Variants in CAMTA1 observed in about 807,000 individuals in gnomAD.
CAMTA1 encodes the protein calmodulin binding transcription activator 1.
CAMTA1 carries 27 observed loss-of-function variants against 170.9 expected under a neutral mutation model. The ratio of observed to expected loss-of-function variants is 0.16; its 90% CI spans 0.12 to 0.22. The LOEUF (loss-of-function observed/expected upper bound fraction) is 0.22. CAMTA1 is among the 10% of genes least tolerant of loss of function. CAMTA1 has a pLI of 1.00. For synonymous variants in CAMTA1, 833 were observed against 891.5 expected (o/e 0.93, Z 1.17); for missense variants, 1,619 against 2,217.2 (o/e 0.73, Z 5.42).
intron 3 of CAMTA1, among the ~76,000 whole-genome samples, chr1:6,907,826 C>G (rs932314422): frequency 2.0e-5 from 3 of 152,172 alleles, no homozygotes; most frequent in African/African-American, 7.2e-5. Context: ...GCTCCTGCCC[C>G]ACCTGGGAGC....
At chr1:6,828,204 G>C (rs141117403) in intron 3 of CAMTA1, among the ~76,000 whole-genome samples, 44 of 151,368 alleles carry the variant, frequency 2.9e-4, no homozygotes, top group East Asian at 1.2e-3. Context: ...CCTTTACTCA[G>C]ACCTGTGTTT....
Position 7,589,103 on chromosome 1 carries a change from A to G in CAMTA1, c.511-51297A>G, listed in dbSNP as rs12070444. Among the ~76,000 whole-genome samples, 796 of 152,334 alleles carry G rather than the reference A, an allele frequency of 5.2e-3. 8 individuals are homozygous for G. Among genetic ancestry groups the G allele is most frequent in the African/African-American group, 0.018 (734 of 41,580 alleles). On this transcript the variant is annotated intron_variant, in intron 6 of 22. Transcript: ENST00000303635. ...TAGCTGGGAAGGGAATTGTAGTGCCATCACATTTCCCCCTTCTGGAGAAAG... is the reference window on the plus strand; with the variant it reads ...TAGCTGGGAAGGGAATTGTAGTGCCGTCACATTTCCCCCTTCTGGAGAAAG...
chr1:6,906,495 C>G (rs1678516963), intron 3 of CAMTA1, among the ~76,000 whole-genome samples: 1 of 152,148 alleles, frequency 6.6e-6, no homozygotes, highest in African/African-American at 2.4e-5. Context: ...CACAGAAAAT[C>G]AGGGTGGTGG....
rs555633902 is a variant in CAMTA1 at position 7,143,383 on chromosome 1, G to T, written c.302+52012G>T. Among the ~76,000 whole-genome samples the T allele has an allele frequency of 1.2e-4, 19 of 152,300 alleles. 1 individual carries two copies. The highest frequency in any genetic ancestry group is 9.2e-4 in the Admixed American group (14 of 15,294). On this transcript the variant is annotated intron_variant, in intron 4 of 22. Coordinates refer to ENST00000303635, the MANE Select transcript of CAMTA1 (RefSeq NM_015215.4). ...CAAAAACCTTCCTTGAGACACTTTG[G>T]AATGTTCCAGAGTCAATGTTGTTTG...
At chr1:6,873,208 A>G (rs752650201) in intron 3 of CAMTA1, among the ~76,000 whole-genome samples, 16 of 152,032 alleles carry the variant, frequency 1.1e-4, no homozygotes, top group Non-Finnish European at 1.5e-4. Context: ...ATAATGTCCC[A>G]GTAGTCAGGA....
chr1:7,094,920 G>A (rs144248997), intron 4 of CAMTA1, among the ~76,000 whole-genome samples: 1 of 152,098 alleles, frequency 6.6e-6, no homozygotes, highest in Admixed American at 6.5e-5. Context: ...CACCCTGCCA[G>A]GTGAATTGAG....
intron 4 of CAMTA1, among the ~76,000 whole-genome samples, chr1:7,148,945 G>GGAGCACA (rs1487074730): frequency 6.6e-5 from 10 of 152,248 alleles, no homozygotes; most frequent in Non-Finnish European, 1.2e-4. Flanking sequence ...TGCTCAGGAT[G>GGAGCACA]GAGCACAGAG....
chr1:6,861,531 CAG>C (rs1040841665), intron 3 of CAMTA1, among the ~76,000 whole-genome samples: 3 of 152,264 alleles, frequency 2.0e-5, no homozygotes, highest in Admixed American at 6.5e-5. Context: ...AACCACTGGT[CAG>C]GGGTTAGCGT....
intron 3 of CAMTA1, among the ~76,000 whole-genome samples, chr1:7,034,430 CG>C (rs1193357280): frequency 6.6e-6 from 1 of 152,070 alleles, no homozygotes; most frequent in Non-Finnish European, 1.5e-5. Context: ...TTGAGATTAC[CG>C]GCGTGAGCCA....
At chr1:7,411,412 C>G (rs2859315) in intron 5 of CAMTA1, among the ~76,000 whole-genome samples, 152,126 of 152,148 alleles carry the variant, frequency 1, 76,052 homozygotes, top group Middle Eastern at 1. Flanking sequence ...GGTGACACGG[C>G]CCTGTAATCC....
chr1:7,479,381 A>C (rs190685321), intron 6 of CAMTA1, among the ~76,000 whole-genome samples: 1 of 152,234 alleles, frequency 6.6e-6, no homozygotes, highest in Non-Finnish European at 1.5e-5. Flanking sequence ...ATGCTGGAGT[A>C]AGGATCTGGG....
chr1:7,652,639 C>A (rs1439840100), intron 7 of CAMTA1, among the ~76,000 whole-genome samples: 1 of 152,158 alleles, frequency 6.6e-6, no homozygotes, highest in African/African-American at 2.4e-5. Context: ...CCTGAGTTTC[C>A]TGCACAGTCA....
intron 4 of CAMTA1, among the ~76,000 whole-genome samples, chr1:7,163,112 A>AGGAATGAT (rs1337665113): frequency 1.3e-5 from 2 of 152,006 alleles, no homozygotes; most frequent in Non-Finnish European, 2.9e-5. Flanking sequence ...GAGGCTGAAC[A>AGGAATGAT]GGAATGATGG....
chr1:7,279,285 G>A (rs1671170427), intron 5 of CAMTA1, among the ~76,000 whole-genome samples: 2 of 152,184 alleles, frequency 1.3e-5, no homozygotes, highest in African/African-American at 2.4e-5. Context: ...CCACTGGGGT[G>A]GGAGGCAGAT....
intron 6 of CAMTA1, among the ~76,000 whole-genome samples, chr1:7,480,367 G>A (rs2093506171): frequency 6.6e-6 from 1 of 151,778 alleles, no homozygotes; most frequent in Non-Finnish European, 1.5e-5. Context: ...TTGTGCATGT[G>A]TGTGAGTGCC....
chr1:7,720,661 G>A (rs972660298), intron 11 of CAMTA1, among the ~76,000 whole-genome samples: 4 of 152,172 alleles, frequency 2.6e-5, no homozygotes, highest in African/African-American at 4.8e-5. Flanking sequence ...GATTACAGGC[G>A]TGAGCCACCA....
intron 4 of CAMTA1, among the ~76,000 whole-genome samples, chr1:7,230,432 A>ACCCCCCCCCCCCCCCCCCCCCCC (rs66934266): frequency 2.6e-5 from 1 of 38,218 alleles, no homozygotes; most frequent in African/African-American, 1.7e-4. Flanking sequence ...CTCTGGGCTG[A>ACCCCCCCCCCCCCCCCCCCCCCC]CCCCCCCCCC....
chr1:7,061,367 A>G (rs1708179973), intron 3 of CAMTA1, among the ~76,000 whole-genome samples: 1 of 152,210 alleles, frequency 6.6e-6, no homozygotes, highest in Non-Finnish European at 1.5e-5. Context: ...ATCCGTTGAA[A>G]TACCTCTGTG....
At chr1:7,690,417 G>A (rs2096297701) in intron 11 of CAMTA1, among the ~76,000 whole-genome samples, 1 of 152,166 alleles carries the variant, frequency 6.6e-6, no homozygotes. Flanking sequence ...AGTGTCTCCT[G>A]TCATACCAAA....
Sources: gnomAD v4.1 joint callset for allele counts (sites outside exome capture counted in the v4.1 genomes callset) on GRCh38, gnomAD v4.1.1 for gene constraint, MANE v1.5 for transcripts, NCBI Gene and HGNC (gene_info 2026-07-23, HGNC 2026-07-21) for gene names.